FOXP2: variants seen among roughly 807,000 people sequenced by gnomAD.
The protein encoded by FOXP2 is forkhead box protein P2.
In FOXP2, 12 loss-of-function variants were observed where a neutral mutation model predicts 115.8. The observed-to-expected ratio is 0.10, with a 90% CI of 0.07 to 0.17. The LOEUF is 0.17. Ranked by LOEUF, FOXP2 falls within the 10% of genes least tolerant of loss-of-function variation. The pLI is 1.00. For synonymous variants in FOXP2, 328 were observed against 297.7 expected (o/e 1.10, Z -1.05); for missense variants, 629 against 843.5 (o/e 0.75, Z 3.15).
At chr7:114,449,042 C>T (rs1213829889) in intron 2 of FOXP2, among the ~76,000 whole-genome samples, 1 of 151,942 alleles carries the variant, frequency 6.6e-6, no homozygotes, top group East Asian at 1.9e-4. Flanking sequence ...CCCCAGTTTC[C>T]TCATCTCCAA....
chr7:114,177,046 T>C (rs1004144933), intron 1 of FOXP2, among the ~76,000 whole-genome samples: 1 of 152,214 alleles, frequency 6.6e-6, no homozygotes, highest in Non-Finnish European at 1.5e-5. Context: ...TCCTGAGTGC[T>C]ATCCATAATC....
chr7:114,504,344 G>A (rs945765771), intron 2 of FOXP2, among the ~76,000 whole-genome samples: 1 of 151,436 alleles, frequency 6.6e-6, no homozygotes, highest in African/African-American at 2.4e-5. Context: ...AATTTCTCAA[G>A]AGAGTGTTGA....
chr7:114,124,921 G>T (rs1214507932), intron 1 of FOXP2, among the ~76,000 whole-genome samples: 2 of 152,000 alleles, frequency 1.3e-5, no homozygotes, highest in African/African-American at 2.4e-5. Context: ...ACTCTGTGAG[G>T]CATACGTTTT....
intron 1 of FOXP2, among the ~76,000 whole-genome samples, chr7:114,116,380 T>C (rs1250790672): frequency 6.6e-6 from 1 of 152,166 alleles, no homozygotes; most frequent in East Asian, 1.9e-4. Context: ...CTAGACTTGT[T>C]TTTTGCTAGG....
intron 2 of FOXP2, among the ~76,000 whole-genome samples, chr7:114,476,036 A>G (rs1051517386): frequency 6.6e-6 from 1 of 151,780 alleles, no homozygotes; most frequent in African/African-American, 2.4e-5. Context: ...AATATAGTTT[A>G]CAAATATCTT....
intron 3 of FOXP2, among the ~76,000 whole-genome samples, chr7:114,577,472 A>C (rs1801634276): frequency 6.6e-6 from 1 of 152,036 alleles, no homozygotes; most frequent in South Asian, 2.1e-4. Flanking sequence ...TTATGCAAAT[A>C]GATTCATACT....
intron 1 of FOXP2, among the ~76,000 whole-genome samples, chr7:114,417,955 C>A (rs564442607): frequency 7.2e-5 from 11 of 151,998 alleles, no homozygotes; most frequent in African/African-American, 2.6e-4. Flanking sequence ...GTGAAAAGTA[C>A]TTTATTGCAT....
At chr7:114,266,149 A>G (rs1265164649) in intron 1 of FOXP2, among the ~76,000 whole-genome samples, 1 of 151,962 alleles carries the variant, frequency 6.6e-6, no homozygotes, top group African/African-American at 2.4e-5. Context: ...GGTCACAACC[A>G]TTTAACCAGT....
At chr7:114,540,256 C>T (rs1220986501) in intron 3 of FOXP2, among the ~76,000 whole-genome samples, 1 of 152,018 alleles carries the variant, frequency 6.6e-6, no homozygotes, top group Non-Finnish European at 1.5e-5. Context: ...ACTTCACACT[C>T]TCCAAACATA....
intron 2 of FOXP2, among the ~76,000 whole-genome samples, chr7:114,521,121 G>A (rs1798603690): frequency 6.6e-6 from 1 of 152,038 alleles, no homozygotes; most frequent in Non-Finnish European, 1.5e-5. Context: ...ACTGTATGGT[G>A]TTTGCCTAAA....
intron 1 of FOXP2, among the ~76,000 whole-genome samples, chr7:114,265,632 C>T (rs1174279149): frequency 2.0e-5 from 3 of 151,984 alleles, no homozygotes; most frequent in Non-Finnish European, 4.4e-5. Flanking sequence ...GTGGGGCCTC[C>T]AACCACACAT....
intron 2 of FOXP2, among the ~76,000 whole-genome samples, chr7:114,520,121 A>G (rs760570874): frequency 1.3e-5 from 2 of 152,158 alleles, no homozygotes; most frequent in African/African-American, 2.4e-5. Context: ...GTCCTTATCA[A>G]TCCTATGGGT....
intron 1 of FOXP2, among the ~76,000 whole-genome samples, chr7:114,109,547 T>C (rs1791212405): frequency 6.6e-6 from 1 of 152,114 alleles, no homozygotes; most frequent in Non-Finnish European, 1.5e-5. Flanking sequence ...AGCAAGTAGA[T>C]GAGTCATCTA....
chr7:114,429,180 C>T (rs754562955), intron 2 of FOXP2, among the ~76,000 whole-genome samples: 3 of 151,262 alleles, frequency 2.0e-5, no homozygotes, highest in East Asian at 1.9e-4. Context: ...TGGAATGAAT[C>T]GCATCAAATA....
chr7:114,358,489 A>G (rs1791667422), intron 2 of FOXP2, among the ~76,000 whole-genome samples: 1 of 152,116 alleles, frequency 6.6e-6, no homozygotes, highest in South Asian at 2.1e-4. Context: ...AAGACAGGAA[A>G]ATGTGGGAAA....
At chr7:114,259,436 C>A (rs1215455328) in intron 1 of FOXP2, among the ~76,000 whole-genome samples, 1 of 152,140 alleles carries the variant, frequency 6.6e-6, no homozygotes, top group Non-Finnish European at 1.5e-5. Context: ...TAGAGTGATT[C>A]TTTGACTAGA....
intron 16 of FOXP2, among the ~76,000 whole-genome samples, chr7:114,685,948 G>C (rs1390837679): frequency 1.3e-5 from 2 of 149,316 alleles, no homozygotes; most frequent in Non-Finnish European, 3.0e-5. Context: ...GATGATCCAG[G>C]AATATCAAGA....
At chr7:114,179,799 G>C (rs1793411314) in intron 1 of FOXP2, among the ~76,000 whole-genome samples, 1 of 152,016 alleles carries the variant, frequency 6.6e-6, no homozygotes, top group Non-Finnish European at 1.5e-5. Flanking sequence ...GATTATTATA[G>C]TGAGTTCTTA....
At chr7:114,117,125 A>C (rs1181216191) in intron 1 of FOXP2, among the ~76,000 whole-genome samples, 1 of 151,966 alleles carries the variant, frequency 6.6e-6, no homozygotes, top group Non-Finnish European at 1.5e-5. Context: ...TGTAGACTCT[A>C]CCTGGAGGCA....
Sources: allele counts gnomAD v4.1 joint callset (sites outside exome capture counted in the v4.1 genomes callset), GRCh38; gene constraint gnomAD v4.1.1; transcripts MANE v1.5; gene names NCBI Gene and HGNC (gene_info 2026-07-23, HGNC 2026-07-21).